PGCKA1: variants seen among roughly 807,000 people sequenced by gnomAD.
PGCKA1 encodes PDCD10 and GCKIII kinases-associated protein 1.
At chr4:37,582,824 G>A in the PGCKA1 span, among the ~76,000 whole-genome samples, 1 of 149,508 alleles carries the variant, frequency 6.7e-6, no homozygotes, top group Non-Finnish European at 1.5e-5. Context: ...TCATATGGGG[G>A]GGAGCTACTT....
chr4:37,460,286 C>T, the PGCKA1 span, among the ~76,000 whole-genome samples: 6 of 152,170 alleles, frequency 3.9e-5, no homozygotes, highest in South Asian at 2.1e-4. Flanking sequence ...TGAATAGTGC[C>T]GCAATAAATA....
At chr4:37,509,759 A>G in the PGCKA1 span, among the ~76,000 whole-genome samples, 76,508 of 149,328 alleles carry the variant, frequency 0.51, 20,077 homozygotes, top group African/African-American at 0.61. Flanking sequence ...TTAGGAGCTG[A>G]AGACCAGCCC....
chr4:37,509,083 A>G, the PGCKA1 span, among the ~76,000 whole-genome samples: 1 of 151,052 alleles, frequency 6.6e-6, no homozygotes, highest in African/African-American at 2.4e-5. Flanking sequence ...ACTTCTTTCT[A>G]CACAGACACA....
the PGCKA1 span, among the ~76,000 whole-genome samples, chr4:37,484,711 A>G: frequency 6.6e-6 from 1 of 152,242 alleles, no homozygotes; most frequent in Admixed American, 6.5e-5. Context: ...CAATGAAAAA[A>G]TGGCCTCATA....
At chr4:37,533,070 C>A in the PGCKA1 span, among the ~76,000 whole-genome samples, 1 of 93,190 alleles carries the variant, frequency 1.1e-5, no homozygotes. Flanking sequence ...GGTATGTAAC[C>A]AGATACCACC....
chr4:37,517,363 C>A, the PGCKA1 span, among the ~76,000 whole-genome samples: 4 of 150,260 alleles, frequency 2.7e-5, no homozygotes, highest in Non-Finnish European at 4.4e-5. Flanking sequence ...ACAGAAAATA[C>A]GGTATATTTT....
At chr4:37,459,002 G>A in the PGCKA1 span, among the ~76,000 whole-genome samples, 2 of 152,192 alleles carry the variant, frequency 1.3e-5, no homozygotes, top group Non-Finnish European at 2.9e-5. Context: ...CAGATGGTGA[G>A]TGATGAATCC....
chr4:37,493,398 C>T, the PGCKA1 span, among the ~76,000 whole-genome samples: 2 of 152,058 alleles, frequency 1.3e-5, no homozygotes, highest in Non-Finnish European at 2.9e-5. Context: ...CACTTCATGA[C>T]GTATTAGTTT....
chr4:37,546,868 G>A, the PGCKA1 span, among the ~76,000 whole-genome samples: 2 of 152,264 alleles, frequency 1.3e-5, no homozygotes, highest in Non-Finnish European at 2.9e-5. Context: ...GGCCCCTGCA[G>A]TGGCTGAGCA....
At chr4:37,494,124 A>G in the PGCKA1 span, among the ~76,000 whole-genome samples, 6 of 151,994 alleles carry the variant, frequency 3.9e-5, no homozygotes, top group Non-Finnish European at 5.9e-5. Context: ...CGGTAGCTCT[A>G]TTTTTAGGTT....
At chr4:37,529,926 A>C in the PGCKA1 span, among the ~76,000 whole-genome samples, 3 of 152,204 alleles carry the variant, frequency 2.0e-5, no homozygotes, top group African/African-American at 4.8e-5. Flanking sequence ...TCTCGATTTT[A>C]CATATTAAAA....
the PGCKA1 span, among the ~76,000 whole-genome samples, chr4:37,476,399 A>G: frequency 1.3e-5 from 2 of 152,172 alleles, no homozygotes; most frequent in Admixed American, 6.5e-5. Flanking sequence ...CATCTTGCCT[A>G]TTGCTGTAAT....
the PGCKA1 span, among the ~76,000 whole-genome samples, chr4:37,467,406 G>A: frequency 2.0e-5 from 3 of 152,176 alleles, no homozygotes; most frequent in East Asian, 3.9e-4. Context: ...TTTGTAGTCA[G>A]GGAAAGCAGA....
chr4:37,589,636 C>T, the PGCKA1 span, among the ~76,000 whole-genome samples: 1 of 152,022 alleles, frequency 6.6e-6, no homozygotes, highest in Non-Finnish European at 1.5e-5. Context: ...CAGGCAGAAC[C>T]TTGTTTATCT....
chr4:37,543,585 T>C, the PGCKA1 span, among the ~76,000 whole-genome samples: 2 of 151,896 alleles, frequency 1.3e-5, no homozygotes, highest in Admixed American at 6.6e-5. Context: ...CTCACACCTA[T>C]AATCCCAGCA....
chr4:37,502,266 G>A, the PGCKA1 span, among the ~76,000 whole-genome samples: 5 of 152,242 alleles, frequency 3.3e-5, no homozygotes, highest in Non-Finnish European at 5.9e-5. Flanking sequence ...TATGGTAGGT[G>A]CAAGCGGGTG....
At chr4:37,460,203 T>C in the PGCKA1 span, among the ~76,000 whole-genome samples, 1 of 152,244 alleles carries the variant, frequency 6.6e-6, no homozygotes, top group African/African-American at 2.4e-5. Flanking sequence ...TTCTGTGGTG[T>C]ATATGTGCCA....
the PGCKA1 span, among the ~76,000 whole-genome samples, chr4:37,567,353 T>G: frequency 6.6e-6 from 1 of 152,238 alleles, no homozygotes; most frequent in Non-Finnish European, 1.5e-5. Context: ...CTTATTGTGA[T>G]TAAGTACTGG....
the PGCKA1 span, among the ~76,000 whole-genome samples, chr4:37,525,539 G>T: frequency 6.6e-6 from 1 of 152,146 alleles, no homozygotes; most frequent in Non-Finnish European, 1.5e-5. Flanking sequence ...TCATCAGTCC[G>T]TTCTGTAAAC....
Sources: allele counts gnomAD v4.1 joint callset (sites outside exome capture counted in the v4.1 genomes callset), GRCh38; gene constraint gnomAD v4.1.1; transcripts MANE v1.5; gene names NCBI Gene and HGNC (gene_info 2026-07-23, HGNC 2026-07-21).